The following MYZAP variants were observed in gnomAD, a reference collection of about 807,000 sequenced individuals.
MYZAP encodes GRINL1A complex locus upstream.
MYZAP carries 66 observed loss-of-function variants against 69.4 expected under a neutral mutation model. That is an observed-to-expected ratio of 0.95 (90% CI 0.78 to 1.17). The LOEUF (loss-of-function observed/expected upper bound fraction) is 1.17. Ranked by LOEUF, MYZAP falls within the 50% of genes most tolerant of loss-of-function variation. The probability of loss-of-function intolerance (pLI) is 0.00; values close to 1 mark genes in which losing one functional copy is unlikely to be tolerated. For missense variants in MYZAP, 611 were observed against 556.2 expected (o/e 1.10, Z -0.99); for synonymous variants, 256 against 205.9 (o/e 1.24, Z -2.09).
chr15:57,621,776 AAAGAT>A (rs2035836017), intron 4 of MYZAP, 76 bp downstream of exon 4: 1 of 1,391,234 alleles, frequency 7.2e-7, no homozygotes, highest in South Asian at 1.2e-5. Flanking sequence ...GCTAGTGCCT[AAAGAT>A]ATTAGAGTAT....
At chr15:57,670,193 G>A (rs1042448062) in intron 11 of MYZAP, among the ~76,000 whole-genome samples, 28 of 152,100 alleles carry the variant, frequency 1.8e-4, no homozygotes, top group African/African-American at 5.8e-4. Flanking sequence ...ATCAATTGCC[G>A]AGAGAAAGGT....
intron 7 of MYZAP, among the ~76,000 whole-genome samples, 155 bp from the exon 8 acceptor site, chr15:57,633,458 C>T (rs1161425051): frequency 2.0e-5 from 3 of 152,096 alleles, no homozygotes; most frequent in Non-Finnish European, 4.4e-5. Flanking sequence ...GAACCAGAAC[C>T]GTGAGGTTGA....
At chr15:57,637,589 G>A (rs555247067) in intron 8 of MYZAP, 106 bp from the exon 9 acceptor site, 20 of 1,240,314 alleles carry the variant, frequency 1.6e-5, no homozygotes, top group Admixed American at 2.2e-5. Flanking sequence ...TAAAACCCAG[G>A]GGGTGTCATA....
chr15:57,643,871 G>A (rs575065904), intron 10 of MYZAP, among the ~76,000 whole-genome samples: 1 of 152,198 alleles, frequency 6.6e-6, no homozygotes, highest in South Asian at 2.1e-4. Context: ...TCTGAAGGGA[G>A]TTTCTTTTCA....
chr15:57,595,116 C>G (rs1488470180), intron 1 of MYZAP, among the ~76,000 whole-genome samples: 1 of 152,184 alleles, frequency 6.6e-6, no homozygotes, highest in East Asian at 1.9e-4. Context: ...GCTGGCTGGA[C>G]TGCCACCAGT....
chr15:57,592,000 C>A lies in MYZAP; in HGVS notation c.-35C>A. 7.1e-7 allele frequency: 1 copy of A among 1,416,808 alleles called. No homozygotes were observed. The highest frequency in any genetic ancestry group is 9.2e-7 in the Non-Finnish European group (1 of 1,088,276). 87.8% of individuals were successfully genotyped at this position (1,416,808 alleles called of 1,614,324 possible). A position where few individuals can be genotyped will look rare whatever the true frequency, so the allele number is the denominator to read the frequency against. ...ACGCTTATTCTGCCCGGGAGGAACG[C>A]CGGCGTCCAGCCCGCTACCGACCGC... On this transcript the variant is annotated 5_prime_UTR_variant, in exon 1 of 13. Coordinates refer to ENST00000267853, the MANE Select transcript of MYZAP (RefSeq NM_001018100.5).
intron 11 of MYZAP, among the ~76,000 whole-genome samples, chr15:57,674,063 A>G (rs569728037): frequency 3.3e-5 from 5 of 152,374 alleles, no homozygotes; most frequent in African/African-American, 1.2e-4. Flanking sequence ...ACTGAAAAAT[A>G]TATAGAAGCA....
intron 2 of MYZAP, among the ~76,000 whole-genome samples, chr15:57,609,983 CAG>C (rs1231067385): frequency 6.6e-6 from 1 of 152,170 alleles, no homozygotes; most frequent in Non-Finnish European, 1.5e-5. Context: ...CCAGCTATTG[CAG>C]ACTTAGCATA....
intron 10 of MYZAP, among the ~76,000 whole-genome samples, chr15:57,658,572 T>C (rs1001387668): frequency 1.1e-4 from 16 of 152,226 alleles, no homozygotes; most frequent in Admixed American, 8.5e-4. Flanking sequence ...TGTAAAAATG[T>C]TCACATTCTG....
chr15:57,620,496 G>A (rs1470817230), intron 3 of MYZAP, among the ~76,000 whole-genome samples: 1 of 152,152 alleles, frequency 6.6e-6, no homozygotes, highest in Admixed American at 6.5e-5. Context: ...GAGGAGACAG[G>A]GACTGTTTGT....
At chr15:57,681,399 G>A (rs1017682718) in intron 12 of MYZAP, among the ~76,000 whole-genome samples, 9 of 152,322 alleles carry the variant, frequency 5.9e-5, no homozygotes, top group African/African-American at 2.2e-4. Context: ...GTGAGCTGCT[G>A]GATTCATGGA....
intron 12 of MYZAP, among the ~76,000 whole-genome samples, chr15:57,682,456 A>G (rs1386735060): frequency 2.0e-5 from 3 of 152,144 alleles, no homozygotes; most frequent in African/African-American, 7.2e-5. Context: ...TCTCCCCGCC[A>G]CTTCCCATCA....
chr15:57,606,964 G>A (rs867138585), intron 2 of MYZAP, among the ~76,000 whole-genome samples: 141 of 152,318 alleles, frequency 9.3e-4, no homozygotes, highest in Middle Eastern at 6.8e-3. Context: ...CTACACCCCT[G>A]CTGATGAGCA....
intron 2 of MYZAP, among the ~76,000 whole-genome samples, chr15:57,616,832 T>TTTTTTTTTTTG (rs2035492831): frequency 7.3e-6 from 1 of 137,642 alleles, no homozygotes; most frequent in Non-Finnish European, 1.5e-5. Flanking sequence ...CTTTTTTTTT[T>TTTTTTTTTTTG]TTTTTTTTTT....
intron 10 of MYZAP, among the ~76,000 whole-genome samples, chr15:57,644,835 T>G (rs998622928): frequency 9.2e-5 from 14 of 152,322 alleles, no homozygotes; most frequent in African/African-American, 3.1e-4. Context: ...CAAAGGCTAT[T>G]TAGACCCATC....
chr15:57,638,027 G>T (rs530700603), intron 9 of MYZAP, among the ~76,000 whole-genome samples: 14 of 152,252 alleles, frequency 9.2e-5, no homozygotes, highest in Admixed American at 7.2e-4. Flanking sequence ...GCAAAAGTTT[G>T]GTCTATTAAT....
intron 12 of MYZAP, among the ~76,000 whole-genome samples, chr15:57,678,760 T>C (rs1273373667): frequency 6.6e-6 from 1 of 152,134 alleles, no homozygotes; most frequent in Non-Finnish European, 1.5e-5. Flanking sequence ...CTTGTCTTAT[T>C]GTAGAATAGC....
intron 1 of MYZAP, chr15:57,599,388 G>A: frequency 3.2e-6 from 3 of 928,062 alleles, no homozygotes; most frequent in Non-Finnish European, 4.0e-6. Flanking sequence ...TACCCTCATA[G>A]TCCCTAAAAA....
intron 1 of MYZAP, 122 bp downstream of exon 1, chr15:57,592,231 C>A: frequency 3.3e-6 from 3 of 895,528 alleles, no homozygotes; most frequent in Non-Finnish European, 4.4e-6. Flanking sequence ...CCACCCTGGG[C>A]TCAACTCCCC....
Sources: allele counts gnomAD v4.1 joint callset (sites outside exome capture counted in the v4.1 genomes callset), GRCh38; gene constraint gnomAD v4.1.1; transcripts MANE v1.5; gene names NCBI Gene and HGNC (gene_info 2026-07-23, HGNC 2026-07-21).